CPNE7: variants seen among roughly 807,000 people sequenced by gnomAD.
CPNE7 encodes the protein copine 7.
In CPNE7, 78 loss-of-function variants were observed where a neutral mutation model predicts 66.5. That is an observed-to-expected ratio of 1.17 (90% confidence interval 0.98 to 1.42). CPNE7 has a LOEUF of 1.42. CPNE7 is among the 40% of genes most tolerant of loss of function. The pLI is 0.00. For synonymous variants in CPNE7, 468 were observed against 336.7 expected (o/e 1.39, Z -4.27); for missense variants, 1,012 against 776.6 (o/e 1.30, Z -3.60).
At chr16:89,595,687 C>T (rs1028809067) in intron 14 of CPNE7, 84 bp downstream of exon 14, 11 of 1,222,112 alleles carry the variant, frequency 9.0e-6, no homozygotes, top group Middle Eastern at 1.9e-4. Context: ...AGGCCAGGCT[C>T]ACGCCAGTGG....
In CPNE7 at chr16:89,596,510, C is replaced by A. The variant is rs779643044; in HGVS notation, c.1566C>A (p.Cys522Ter). ...CATCCCCTGCGGCGCTGGCCAAGTG[C>A]GTGCTGGCCGAGGTCCCGAAGCAGG... ...KNASPAALAK[C>*]VLAEVPKQVV... The change falls in exon 15 of 15, where the codon TGC becomes TGA. Residue 522 changes from cysteine to a stop codon, truncating the protein, a stop_gained. Transcript: ENST00000319518. LOFTEE classifies it low-confidence loss of function (END_TRUNC). The A allele has an allele frequency of 4.8e-5, 77 of 1,609,428 alleles. No homozygotes were observed. Among genetic ancestry groups the A allele is most frequent in the Non-Finnish European group, 6.4e-5 (75 of 1,179,558 alleles).
At chr16:89,579,090 AC>A in intron 2 of CPNE7, 1 of 874,916 alleles carries the variant, frequency 1.1e-6, no homozygotes, top group Non-Finnish European at 1.7e-6. Context: ...GGAGTTCGAG[AC>A]CAGCCTGGCC....
chr16:89,594,695 A>G (rs1323453627), intron 13 of CPNE7, among the ~76,000 whole-genome samples: 1 of 117,640 alleles, frequency 8.5e-6, no homozygotes, highest in Non-Finnish European at 1.6e-5. Flanking sequence ...CTCTATCGCC[A>G]GGCTGAAGTG....
chr16:89,587,012 G>A (rs370294136), intron 8 of CPNE7, 31 bp from the exon 9 acceptor site: 71 of 1,565,456 alleles, frequency 4.5e-5, no homozygotes, highest in Non-Finnish European at 5.6e-5. Context: ...TGTCCCTGGC[G>A]GGGGTGGACG....
At chr16:89,577,479 AG>A in intron 1 of CPNE7, 59 bp from the exon 2 acceptor site, 1 of 1,511,704 alleles carries the variant, frequency 6.6e-7, no homozygotes, top group Non-Finnish European at 8.9e-7. Flanking sequence ...GGGGAGATGG[AG>A]GTCTGGAGCC....
In CPNE7 at chr16:89,591,194, C is replaced by A; in HGVS notation, c.1236C>A (p.Asn412Lys). The change falls in exon 13 of 15, where the codon AAC becomes AAA. Residue 412 changes from asparagine (N) to lysine (K), a missense_variant. Physicochemically the swap from Asn to Lys is moderately conservative, Grantham distance 94. Transcript: ENST00000319518. ...GGGTCCAGCTCTACGGCCCCACCAA[C>A]GTGGCGCCCATCATCTCCAAGGTGG... ...LPRVQLYGPT[N>K]VAPIISKVAR... 6.3e-7 allele frequency: 1 copy of A among 1,598,862 alleles called. No individual in the cohort carries two copies. The highest frequency in any genetic ancestry group is 8.5e-7 in the Non-Finnish European group (1 of 1,172,926).
intron 10 of CPNE7, 101 bp downstream of exon 10, chr16:89,588,909 A>G: frequency 4.1e-6 from 6 of 1,470,450 alleles, no homozygotes; most frequent in Non-Finnish European, 4.6e-6. Flanking sequence ...CAGGTCAGCT[A>G]TGACAGGTGC....
chr16:89,576,669 C>G (rs1346614300), intron 1 of CPNE7, among the ~76,000 whole-genome samples: 1 of 152,180 alleles, frequency 6.6e-6, no homozygotes, highest in African/African-American at 2.4e-5. Flanking sequence ...GGGCGAGAAA[C>G]GCATGGCGCG....
At chr16:89,581,360 C>T (rs1235691692) in intron 2 of CPNE7, among the ~76,000 whole-genome samples, 1 of 152,216 alleles carries the variant, frequency 6.6e-6, no homozygotes, top group Non-Finnish European at 1.5e-5. Flanking sequence ...CGTCACCCAT[C>T]ACACGGAACA....
At chr16:89,589,367 G>A (rs2059135462) in intron 10 of CPNE7, among the ~76,000 whole-genome samples, 1 of 152,188 alleles carries the variant, frequency 6.6e-6, no homozygotes, top group Non-Finnish European at 1.5e-5. Flanking sequence ...ACATGGTCCT[G>A]GGGGGACGTC....
intron 8 of CPNE7, 142 bp from the exon 9 acceptor site, chr16:89,586,901 T>G (rs927155678): frequency 2.8e-6 from 3 of 1,085,794 alleles, no homozygotes; most frequent in Non-Finnish European, 4.1e-6. Context: ...AAGGGCGAGG[T>G]TGGGGAGAGA....
In CPNE7 at chr16:89,591,262, T is replaced by C; in HGVS notation, c.1302+2T>C. 1 of 1,572,866 alleles carries C rather than the reference T, an allele frequency of 6.4e-7. No homozygotes were observed. Among genetic ancestry groups the C allele is most frequent in the Non-Finnish European group, 8.6e-7 (1 of 1,159,738 alleles). ...GAGGAGAGCACCGGGAAAGCCTCTG[T>C]AGGTGCCCGGGGGGTGTGGTGCATG... On this transcript the variant is annotated splice_donor_variant, in intron 13 of 14. Coordinates refer to ENST00000319518, the MANE Select transcript of CPNE7 (RefSeq NM_153636.3). LOFTEE classifies it high-confidence loss of function.
chr16:89,586,858 C>G, intron 8 of CPNE7, 102 bp downstream of exon 8: 1 of 1,210,732 alleles, frequency 8.3e-7, no homozygotes, highest in Non-Finnish European at 1.2e-6. Flanking sequence ...CTGGTGGGCC[C>G]CAGCACGTCT....
Position 89,585,486 on chromosome 16 carries a change from C to T in CPNE7, c.614C>T (p.Pro205Leu), listed in dbSNP as rs373641731. Residue 205 changes from proline (P) to leucine (L), a missense_variant, in exon 6 of 15, where the codon CCG (proline) becomes CTG (leucine). Transcript: ENST00000319518. ...RTEVVKNNLN[P>L]VWEAFKVSLS... Reference sequence around the variant, plus strand: ...CAGGTGGTGAAGAACAACCTGAACCCGGTGTGGGAGGCCTTCAAAGTCTCT... The same window carrying T: ...CAGGTGGTGAAGAACAACCTGAACCTGGTGTGGGAGGCCTTCAAAGTCTCT... The T allele has an allele frequency of 7.4e-6, 12 of 1,611,938 alleles. No homozygotes were observed. Among genetic ancestry groups the T allele is most frequent in the Non-Finnish European group, 1.0e-5 (12 of 1,179,368 alleles).
chr16:89,596,515 T>C lies in CPNE7; in HGVS notation c.1571T>C (p.Leu524Pro). ...ASPAALAKCV[L>P]AEVPKQVVEY... ...CCTGCGGCGCTGGCCAAGTGCGTGC[T>C]GGCCGAGGTCCCGAAGCAGGTGGTG... Residue 524 changes from leucine to proline, a missense_variant, in exon 15 of 15, where the codon CTG (leucine) becomes CCG (proline). Coordinates refer to ENST00000319518, the MANE Select transcript of CPNE7 (RefSeq NM_153636.3). 6.2e-7 allele frequency: 1 copy of C among 1,610,054 alleles called. No homozygotes were observed. The highest frequency in any genetic ancestry group is 8.5e-7 in the Non-Finnish European group (1 of 1,179,734).
chr16:89,595,911 C>T (rs75696395), intron 14 of CPNE7: 11,567 of 563,156 alleles, frequency 0.021, 734 homozygotes, highest in East Asian at 0.15. Flanking sequence ...CGGCGAGACA[C>T]GCACAGCACA....
At chr16:89,586,900 G>C in intron 8 of CPNE7, 143 bp from the exon 9 acceptor site, 1 of 1,098,432 alleles carries the variant, frequency 9.1e-7, no homozygotes, top group Non-Finnish European at 1.3e-6. Flanking sequence ...GAAGGGCGAG[G>C]TTGGGGAGAG....
intron 1 of CPNE7, 48 bp downstream of exon 1, chr16:89,576,119 C>A: frequency 2.4e-6 from 3 of 1,232,456 alleles, no homozygotes; most frequent in Non-Finnish European, 3.0e-6. Flanking sequence ...CCGGGGCTGG[C>A]GCCGAGCTGG....
At chr16:89,588,889 C>T (rs1227292422) in intron 10 of CPNE7, 81 bp downstream of exon 10, 1 of 1,562,520 alleles carries the variant, frequency 6.4e-7, no homozygotes, top group Non-Finnish European at 8.7e-7. Context: ...CCCCTCACCC[C>T]CCTGGTCTCC....
Sources: allele counts gnomAD v4.1 joint callset (sites outside exome capture counted in the v4.1 genomes callset), GRCh38; gene constraint gnomAD v4.1.1; transcripts MANE v1.5; gene names NCBI Gene and HGNC (gene_info 2026-07-23, HGNC 2026-07-21).